Variants in RPS6KA5 observed in about 807,000 individuals in gnomAD.
RPS6KA5 encodes ribosomal protein S6 kinase alpha-5.
Under a neutral mutation model 85.5 loss-of-function variants are expected in RPS6KA5, and 27 were observed. The observed-to-expected ratio is 0.32, with a 90% CI of 0.23 to 0.44. RPS6KA5 has a LOEUF of 0.44. Among genes scored for constraint, RPS6KA5 ranks in the 20% least tolerant of loss-of-function variants. The pLI, the probability that RPS6KA5 is intolerant of heterozygous loss-of-function variation, is 1.00. For synonymous variants in RPS6KA5, 334 were observed against 348.2 expected, an observed-to-expected ratio of 0.96 and a Z score of 0.46; for missense variants, 811 against 980.9, an observed-to-expected ratio of 0.83 and a Z score of 2.31.
chr14:90,903,033 C>A (rs2035268545), intron 8 of RPS6KA5, 64 bp from the exon 9 acceptor site: 1 of 1,408,624 alleles, frequency 7.1e-7, no homozygotes, highest in Admixed American at 1.9e-5. Flanking sequence ...CTAAGAATAA[C>A]AAAGATAAAT....
chr14:90,971,150 C>T (rs1038399224), intron 3 of RPS6KA5, among the ~76,000 whole-genome samples: 9 of 152,060 alleles, frequency 5.9e-5, no homozygotes, highest in African/African-American at 1.9e-4. Flanking sequence ...AACCCTGTCC[C>T]TACTAAAAAT....
At chr14:90,909,072 G>C (rs1001058763) in intron 7 of RPS6KA5, among the ~76,000 whole-genome samples, 1 of 152,224 alleles carries the variant, frequency 6.6e-6, no homozygotes, top group African/African-American at 2.4e-5. Context: ...ACTGGTGCCA[G>C]ATTCCAGTCT....
chr14:91,030,882 T>C (rs979686306), intron 1 of RPS6KA5, among the ~76,000 whole-genome samples: 1 of 151,588 alleles, frequency 6.6e-6, no homozygotes, highest in Non-Finnish European at 1.5e-5. Flanking sequence ...TGCAAGGAGA[T>C]AAACAACAGG....
At chr14:91,047,430 G>C (rs989191823) in intron 1 of RPS6KA5, among the ~76,000 whole-genome samples, 1 of 152,188 alleles carries the variant, frequency 6.6e-6, no homozygotes, top group Non-Finnish European at 1.5e-5. Context: ...GCTAGCCTTG[G>C]TGCTAAGATC....
chr14:90,907,955 G>C (rs1318584225), intron 7 of RPS6KA5, among the ~76,000 whole-genome samples: 1 of 152,206 alleles, frequency 6.6e-6, no homozygotes. Flanking sequence ...GTCAAGATAA[G>C]CAAATTGTGA....
intron 3 of RPS6KA5, among the ~76,000 whole-genome samples, chr14:90,951,965 T>C (rs2038213176): frequency 6.6e-6 from 1 of 152,126 alleles, no homozygotes; most frequent in Non-Finnish European, 1.5e-5. Flanking sequence ...TTGAATCCTT[T>C]TCCTCTTTTT....
intron 1 of RPS6KA5, among the ~76,000 whole-genome samples, chr14:91,032,618 T>C (rs910191630): frequency 7.9e-5 from 12 of 152,138 alleles, no homozygotes; most frequent in African/African-American, 2.4e-4. Flanking sequence ...ACATCAGAGA[T>C]AGCTTCATGC....
chr14:91,021,565 A>T (rs1163390806), intron 1 of RPS6KA5, among the ~76,000 whole-genome samples: 1 of 152,090 alleles, frequency 6.6e-6, no homozygotes, highest in Non-Finnish European at 1.5e-5. Context: ...GACACATGCC[A>T]CCATGCCTGG....
chr14:90,952,669 G>A (rs900242150), intron 3 of RPS6KA5, among the ~76,000 whole-genome samples: 2 of 152,258 alleles, frequency 1.3e-5, no homozygotes, highest in African/African-American at 4.8e-5. Context: ...ATCGGCTAAT[G>A]AGTCTCAAAC....
At chr14:90,909,547 A>G (rs1292032387) in intron 7 of RPS6KA5, among the ~76,000 whole-genome samples, 1 of 152,242 alleles carries the variant, frequency 6.6e-6, no homozygotes, top group Non-Finnish European at 1.5e-5. Context: ...AGAAATATGA[A>G]TATTAATTAA....
At chr14:91,001,688 C>T (rs1367535855) in intron 1 of RPS6KA5, among the ~76,000 whole-genome samples, 2 of 152,116 alleles carry the variant, frequency 1.3e-5, no homozygotes, top group Non-Finnish European at 2.9e-5. Context: ...AAGTGTTGGT[C>T]TCAATGAACT....
chr14:90,968,721 A>T (rs1731127025), intron 3 of RPS6KA5, among the ~76,000 whole-genome samples: 1 of 152,218 alleles, frequency 6.6e-6, no homozygotes, highest in African/African-American at 2.4e-5. Context: ...GCCTCTATGG[A>T]TCAGCCCAAA....
rs917040091 is a variant in RPS6KA5 at position 90,858,808 on chromosome 14, C to T, written c.*13266G>A. 6.6e-6 allele frequency: 1 copy of T among 152,182 alleles called. No homozygotes were observed. The highest frequency in any genetic ancestry group is 1.5e-5 in the Non-Finnish European group (1 of 68,028). 9.4% of individuals were successfully genotyped at this position (152,182 alleles called of 1,614,324 possible). A position where few individuals can be genotyped will look rare whatever the true frequency, so the allele number is the denominator to read the frequency against. ...AATTCACAACACAGGGAAATAAATACCTAGCAGCAAGCAGTAATCCCACTT... is the reference window on the plus strand; with the variant it reads ...AATTCACAACACAGGGAAATAAATATCTAGCAGCAAGCAGTAATCCCACTT... On this transcript the variant is annotated 3_prime_UTR_variant, in exon 17 of 17. Coordinates refer to ENST00000614987, the MANE Select transcript of RPS6KA5 (RefSeq NM_004755.4).
rs1221097235 is a variant in RPS6KA5 at position 90,862,912 on chromosome 14, G to T, written c.*9162C>A. The T allele has an allele frequency of 6.6e-6, 1 of 151,800 alleles. No homozygotes were observed. The highest frequency in any genetic ancestry group is 1.9e-4 in the East Asian group (1 of 5,190). 9.4% of individuals were successfully genotyped at this position (151,800 alleles called of 1,614,324 possible). A position where few individuals can be genotyped will look rare whatever the true frequency, so the allele number is the denominator to read the frequency against. On this transcript the variant is annotated 3_prime_UTR_variant, in exon 17 of 17. Coordinates refer to ENST00000614987, the MANE Select transcript of RPS6KA5 (RefSeq NM_004755.4). The stretch of plus-strand genomic sequence containing the variant: ...TGAAGAATAAAGAAGAAAAATACAA[G>T]ATTATCTCAACAGAGGCAGAAAAAG...
rs2032913945 is a variant in RPS6KA5 at position 90,868,654 on chromosome 14, C to G, written c.*3420G>C. 1 of 152,092 alleles carries G rather than the reference C, an allele frequency of 6.6e-6. No homozygotes were observed. The highest frequency in any genetic ancestry group is 6.5e-5 in the Admixed American group (1 of 15,272). 9.4% of individuals were successfully genotyped at this position (152,092 alleles called of 1,614,324 possible). ...AGACCCAATAATTTAGAAATTTTCA[C>G]CATTATGAGGTACCCTGTTTTTAAT... On this transcript the variant is annotated 3_prime_UTR_variant, in exon 17 of 17. Coordinates refer to ENST00000614987, the MANE Select transcript of RPS6KA5 (RefSeq NM_004755.4).
Position 90,984,497 on chromosome 14 carries a change from G to A in RPS6KA5, c.176-5973C>T, listed in dbSNP as rs1037963765. Among the ~76,000 whole-genome samples, 10 of 152,188 alleles carry A rather than the reference G, an allele frequency of 6.6e-5. No individual in the cohort carries two copies. The East Asian group carries it at 7.7e-4, about 12-fold the overall frequency. ...ACACTGCAGACATCTTATGAAGGTC[G>A]CTTCTGTTCAAACTGAAATGTGGAT... is the stretch of plus-strand genomic sequence containing the variant. On this transcript the variant is annotated intron_variant, in intron 2 of 16. Coordinates refer to ENST00000614987, the MANE Select transcript of RPS6KA5 (RefSeq NM_004755.4).
intron 3 of RPS6KA5, among the ~76,000 whole-genome samples, chr14:90,968,094 C>T (rs1000622833): frequency 6.6e-6 from 1 of 152,202 alleles, no homozygotes; most frequent in Non-Finnish European, 1.5e-5. Flanking sequence ...ATCAAGGTGT[C>T]AGCAGGACTG....
At chr14:90,915,662 G>A (rs938370088) in intron 7 of RPS6KA5, among the ~76,000 whole-genome samples, 20 of 151,770 alleles carry the variant, frequency 1.3e-4, no homozygotes, top group Admixed American at 3.9e-4. Flanking sequence ...CAAAAATTAG[G>A]TGGGCGTGGT....
At chr14:90,879,857 C>T (rs1437503070) in intron 14 of RPS6KA5, among the ~76,000 whole-genome samples, 2 of 150,078 alleles carry the variant, frequency 1.3e-5, no homozygotes, top group Admixed American at 1.3e-4. Flanking sequence ...ATCTTCGGCT[C>T]ACTGCAACCC....
Sources: gnomAD v4.1 joint callset for allele counts (sites outside exome capture counted in the v4.1 genomes callset) on GRCh38, gnomAD v4.1.1 for gene constraint, MANE v1.5 for transcripts, NCBI Gene and HGNC (gene_info 2026-07-23, HGNC 2026-07-21) for gene names.